NEK11: variants seen among roughly 807,000 people sequenced by gnomAD.
The protein encoded by NEK11 is serine/threonine-protein kinase Nek11.
In NEK11, 72 loss-of-function variants were observed where a neutral mutation model predicts 80.7. The observed-to-expected ratio is 0.89, with a 90% CI of 0.74 to 1.08. NEK11 has a LOEUF of 1.08. NEK11 is among the 50% of genes least tolerant of loss of function. NEK11 has a pLI of 0.00. For missense variants in NEK11, 764 were observed against 763.6 expected, an observed-to-expected ratio of 1.00 and a Z score of -0.01; for synonymous variants, 251 against 260.7, an observed-to-expected ratio of 0.96 and a Z score of 0.36.
chr3:131,045,121 G>C lies in NEK11; in HGVS notation c.170+15243G>C, dbSNP rs182327603. On this transcript the variant is annotated intron_variant, in intron 3 of 17. Transcript: ENST00000383366. ...ATCTCTGGGACACAGCTAGGGCAGT[G>C]TTTAGAGGGAAATTTATAGCACTAA... is the stretch of plus-strand genomic sequence containing the variant. Among the ~76,000 whole-genome samples the C allele has an allele frequency of 3.5e-3, 538 of 152,284 alleles. 2 individuals are homozygous for C. Among genetic ancestry groups the C allele is most frequent in the Admixed American group, 7.3e-3 (112 of 15,296 alleles).
At chr3:131,122,835 G>A (rs1267166466) in intron 5 of NEK11, among the ~76,000 whole-genome samples, 3 of 152,176 alleles carry the variant, frequency 2.0e-5, no homozygotes, top group African/African-American at 4.8e-5. Flanking sequence ...GGGGAAGAAT[G>A]ACCTGATGGG....
intron 14 of NEK11, among the ~76,000 whole-genome samples, chr3:131,202,209 A>C (rs954796315): frequency 6.6e-6 from 1 of 152,086 alleles, no homozygotes; most frequent in African/African-American, 2.4e-5. Context: ...CTGCATTTCC[A>C]ACTGAGATGC....
intron 14 of NEK11, among the ~76,000 whole-genome samples, chr3:131,216,116 A>T (rs1339705218): frequency 6.6e-6 from 1 of 152,218 alleles, no homozygotes; most frequent in Non-Finnish European, 1.5e-5. Flanking sequence ...CTTTAAAGAG[A>T]TGAAGTGGGA....
chr3:131,243,477 C>T lies in NEK11; in HGVS notation c.1602C>T (p.Val534=). Residue 534 remains valine, a synonymous_variant, in exon 16 of 18, where the codon GTC becomes GTT. Transcript: ENST00000383366. ...CGTTGGCCAGGTGTTTGGAAAATGT[C>T]CTGGGTTGCACTTCTCTAGGTGAGT... ...IEALARCLEN[V]LGCTSLDTKT... 2 of 1,612,754 alleles carry T rather than the reference C, an allele frequency of 1.2e-6. No homozygotes were observed. The highest frequency in any genetic ancestry group is 2.2e-5 in the South Asian group (2 of 91,012).
At chr3:131,344,494 G>C (rs2097332786) in intron 17 of NEK11, among the ~76,000 whole-genome samples, 1 of 152,166 alleles carries the variant, frequency 6.6e-6, no homozygotes, top group South Asian at 2.1e-4. Flanking sequence ...CCATTACCCA[G>C]GTTCCAAAGG....
At chr3:131,078,100 T>A (rs1355384834) in intron 3 of NEK11, among the ~76,000 whole-genome samples, 1 of 152,200 alleles carries the variant, frequency 6.6e-6, no homozygotes, top group East Asian at 1.9e-4. Context: ...CCCTTTCTAA[T>A]GCAAATTGGC....
intron 14 of NEK11, among the ~76,000 whole-genome samples, chr3:131,173,073 G>A (rs916382688): frequency 1.4e-4 from 22 of 152,032 alleles, no homozygotes; most frequent in Non-Finnish European, 2.9e-4. Flanking sequence ...CCCCTTTCCT[G>A]GAAAACTCAT....
chr3:131,206,365 A>G (rs1223141321), intron 14 of NEK11, among the ~76,000 whole-genome samples: 1 of 152,244 alleles, frequency 6.6e-6, no homozygotes, highest in African/African-American at 2.4e-5. Flanking sequence ...ATTTGTTAAG[A>G]AACTGTTTTT....
At chr3:131,140,838 C>G (rs143800722) in intron 7 of NEK11, among the ~76,000 whole-genome samples, 1 of 152,258 alleles carries the variant, frequency 6.6e-6, no homozygotes, top group East Asian at 1.9e-4. Context: ...ACTCTTCTTT[C>G]ATTCCTCCTG....
At chr3:131,069,944 A>T (rs976732811) in intron 3 of NEK11, among the ~76,000 whole-genome samples, 5 of 151,816 alleles carry the variant, frequency 3.3e-5, no homozygotes, top group Admixed American at 6.6e-5. Flanking sequence ...AACCTGCACA[A>T]TGTGCACATG....
chr3:131,244,486 C>T (rs2095567067), intron 16 of NEK11, among the ~76,000 whole-genome samples: 1 of 152,114 alleles, frequency 6.6e-6, no homozygotes, highest in Non-Finnish European at 1.5e-5. Flanking sequence ...AATTTTCAAT[C>T]TAGGCTCCTT....
chr3:131,253,826 T>C (rs2095754700), intron 16 of NEK11, among the ~76,000 whole-genome samples: 1 of 152,226 alleles, frequency 6.6e-6, no homozygotes. Context: ...AATTAATGAT[T>C]GGTGAGTTTC....
At chr3:131,030,056 A>G (rs1014491962) in intron 3 of NEK11, among the ~76,000 whole-genome samples, 178 bp downstream of exon 3, 2 of 152,194 alleles carry the variant, frequency 1.3e-5, no homozygotes, top group Non-Finnish European at 1.5e-5. Flanking sequence ...CCTGGCCAAC[A>G]TGGCAAAACC....
At chr3:131,246,015 T>C (rs1180420063) in intron 16 of NEK11, among the ~76,000 whole-genome samples, 1 of 152,168 alleles carries the variant, frequency 6.6e-6, no homozygotes, top group Non-Finnish European at 1.5e-5. Flanking sequence ...TTTTTGGTTT[T>C]GTTGCTTATG....
chr3:131,105,508 T>C (rs1490000000), intron 4 of NEK11, among the ~76,000 whole-genome samples: 1 of 152,110 alleles, frequency 6.6e-6, no homozygotes, highest in Non-Finnish European at 1.5e-5. Flanking sequence ...AGGAAAGAGG[T>C]TTAATTGACT....
rs142272763 is a variant in NEK11 at position 131,216,678 on chromosome 3, T to C, written c.1400-11850T>C. Among the ~76,000 whole-genome samples, 86 of 152,204 alleles carry C rather than the reference T, an allele frequency of 5.7e-4. No homozygotes were observed. In the East Asian group the frequency reaches 0.012, roughly 21 times the overall value. On this transcript the variant is annotated intron_variant, in intron 14 of 17. Coordinates refer to ENST00000383366, the MANE Select transcript of NEK11 (RefSeq NM_024800.5). ...GGAAGATAGGAGATGATTGCAGACC[T>C]GAGTGTTAAAAGATACCTGGACTGT...
At chr3:131,306,687 C>T (rs1313480757) in intron 17 of NEK11, among the ~76,000 whole-genome samples, 1 of 152,200 alleles carries the variant, frequency 6.6e-6, no homozygotes, top group Non-Finnish European at 1.5e-5. Flanking sequence ...AGCGCACTGA[C>T]ATAGTTCAAA....
chr3:131,198,650 A>G (rs1033753945), intron 14 of NEK11, among the ~76,000 whole-genome samples: 1 of 152,216 alleles, frequency 6.6e-6, no homozygotes. Flanking sequence ...TTACTCAGGT[A>G]TGCCATGGGT....
At chr3:131,189,585 C>T (rs898808891) in intron 14 of NEK11, among the ~76,000 whole-genome samples, 3 of 152,210 alleles carry the variant, frequency 2.0e-5, no homozygotes, top group Admixed American at 2.0e-4. Context: ...TACGTTTCAA[C>T]ATATCAATTT....
Sources: allele counts gnomAD v4.1 joint callset (sites outside exome capture counted in the v4.1 genomes callset), GRCh38; gene constraint gnomAD v4.1.1; transcripts MANE v1.5; gene names NCBI Gene and HGNC (gene_info 2026-07-23, HGNC 2026-07-21).